The following ADCY9 variants were observed in gnomAD, a reference collection of about 807,000 sequenced individuals.
ADCY9 encodes the protein adenylate cyclase 9, also known as adenylate cyclase type 9.
A neutral mutation model predicts 101.5 loss-of-function variants in ADCY9; 50 were observed. The observed-to-expected ratio is 0.49, with a 90% confidence interval of 0.39 to 0.62. The LOEUF (loss-of-function observed/expected upper bound fraction) is 0.62. Ranked by LOEUF, ADCY9 falls within the 20% of genes least tolerant of loss-of-function variation. ADCY9 has a pLI of 0.00. For synonymous variants in ADCY9, 905 were observed against 769.3 expected (o/e 1.18, Z -2.92); for missense variants, 1,662 against 1,800.4 (o/e 0.92, Z 1.39).
chr16:4,115,670 G>C lies in ADCY9; in HGVS notation c.-44+20C>G, dbSNP rs537737275. On this transcript the variant is annotated intron_variant, in intron 1 of 10. Transcript: ENST00000294016. The surrounding 1 kb of genome is among the most constrained non-coding windows in gnomAD (Gnocchi z 6.2). Reference sequence around the variant, plus strand: ...CACCGCCCCCACCTTCGAGGCGCACGAGAACCGCTCGGGACGGACCTAGAA... The same window carrying C: ...CACCGCCCCCACCTTCGAGGCGCACCAGAACCGCTCGGGACGGACCTAGAA... 5.3e-6 allele frequency: 3 copies of C among 567,704 alleles called. No homozygotes were observed. The African/African-American group carries it at 5.6e-5, about 11-fold the overall frequency. The allele number at this position is 567,704 out of a possible 1,614,324, so 35.2% of individuals were successfully genotyped here.
intron 2 of ADCY9, among the ~76,000 whole-genome samples, chr16:4,078,000 G>GAAA (rs34323189): frequency 1.4e-5 from 2 of 140,308 alleles, no homozygotes; most frequent in Non-Finnish European, 1.5e-5. Context: ...CTCTGCTTCA[G>GAAA]AAAAAAAAAA....
rs2601790 is a variant in ADCY9 at position 3,992,048 on chromosome 16, A to G, written c.2207+98T>C. 1,080,000 of 1,229,544 alleles carry G rather than the reference A, an allele frequency of 0.88. 477,510 individuals are homozygous for G. The highest frequency in any genetic ancestry group is 0.9 in the Non-Finnish European group (789,516 of 873,198). The allele number at this position is 1,229,544 out of a possible 1,614,324, so 76.2% of individuals were successfully genotyped here. A position where few individuals can be genotyped will look rare whatever the true frequency, so the allele number is the denominator to read the frequency against. ...ATCGCGCCACTGCACTGCAGCCTGG[A>G]TGACAGAGCGAGACTCAGTCTTAAA... On this transcript the variant is annotated intron_variant, in intron 5 of 10. Coordinates refer to ENST00000294016, the MANE Select transcript of ADCY9 (RefSeq NM_001116.4). This position sits in a 1 kb window ranked among gnomAD's most constrained non-coding sequence, Gnocchi z 4.2.
At chr16:4,084,650 T>C (rs2056926078) in intron 2 of ADCY9, among the ~76,000 whole-genome samples, 1 of 152,012 alleles carries the variant, frequency 6.6e-6, no homozygotes, top group South Asian at 2.1e-4. Context: ...CACTTGAGCC[T>C]GGGTGGTCGA....
chr16:4,099,829 A>G (rs2141198407), intron 2 of ADCY9, among the ~76,000 whole-genome samples: 1 of 152,320 alleles, frequency 6.6e-6, no homozygotes, highest in South Asian at 2.1e-4. Context: ...AGGCAGGAGG[A>G]TGGCTTGAGC....
chr16:3,979,197 G>A lies in ADCY9; in HGVS notation c.2598C>T (p.His866=), dbSNP rs2141685127. 1.2e-6 allele frequency: 2 copies of A among 1,614,098 alleles called. No homozygotes were observed. Among genetic ancestry groups the A allele is most frequent in the Non-Finnish European group, 1.7e-6 (2 of 1,180,030 alleles). Reference sequence around the variant, plus strand: ...GCGACACCAGGATGGCCCCGATGCAGTGACGTGGTAGCCAGCCGGCGATCC... The same window carrying A: ...GCGACACCAGGATGGCCCCGATGCAATGACGTGGTAGCCAGCCGGCGATCC... ...LEWIAGWLPR[H]CIGAILVSLP... Residue 866 remains histidine, a synonymous_variant, in exon 8 of 11, where the codon CAC becomes CAT. Coordinates refer to ENST00000294016, the MANE Select transcript of ADCY9 (RefSeq NM_001116.4).
intron 6 of ADCY9, among the ~76,000 whole-genome samples, chr16:3,988,479 ATTCCCTTCCAGGGCAGGTGTGGGGGG>A (rs2056214792): frequency 6.3e-5 from 1 of 15,908 alleles, no homozygotes; most frequent in Non-Finnish European, 1.3e-4. Context: ...GGTGTGGGGG[ATTCCCTTCCAGGGCAGGTGTGGGGGG>A]TTCCCTTCCA....
At chr16:4,088,677 T>G (rs2056954766) in intron 2 of ADCY9, among the ~76,000 whole-genome samples, 1 of 151,992 alleles carries the variant, frequency 6.6e-6, no homozygotes, top group Admixed American at 6.6e-5. Context: ...AACAGCACCG[T>G]CCACCTCATC....
chr16:4,114,352 G>A lies in ADCY9; in HGVS notation c.1091C>T (p.Ser364Leu), dbSNP rs145790925. 1.2e-6 allele frequency: 2 copies of A among 1,613,992 alleles called. No individual in the cohort carries two copies. Among genetic ancestry groups the A allele is most frequent in the East Asian group, 2.2e-5 (1 of 44,886 alleles). Residue 364 changes from serine to leucine, a missense_variant, in exon 2 of 11, where the codon TCG becomes TTG. Coordinates refer to ENST00000294016, the MANE Select transcript of ADCY9 (RefSeq NM_001116.4). The surrounding 1 kb of genome is among the most constrained non-coding windows in gnomAD (Gnocchi z 4.3). The stretch of plus-strand genomic sequence containing the variant: ...CTTTTTCTTCCTGTTCTTGGGGCTC[G>A]AGGTGGCATGCCTCTTGACAGAATT... The part of the protein sequence containing the change: ...SENSVKRHAT[S>L]SPKNRKKKSS...
intron 2 of ADCY9, among the ~76,000 whole-genome samples, chr16:4,047,265 CT>C (rs1567453000): frequency 6.6e-6 from 1 of 151,726 alleles, no homozygotes; most frequent in African/African-American, 2.4e-5. Flanking sequence ...CACCCTTCTC[CT>C]TTTTTTGAGA....
At chr16:4,018,695 C>G (rs1225093960) in intron 2 of ADCY9, among the ~76,000 whole-genome samples, 1 of 152,150 alleles carries the variant, frequency 6.6e-6, no homozygotes, top group African/African-American at 2.4e-5. Context: ...AACTTGTTTT[C>G]TAGTTTTCTC....
At chr16:4,107,114 C>A (rs895282812) in intron 2 of ADCY9, among the ~76,000 whole-genome samples, 1 of 152,224 alleles carries the variant, frequency 6.6e-6, no homozygotes, top group Non-Finnish European at 1.5e-5. Context: ...CAAATGGTCA[C>A]TGGGGGCAGC....
intron 8 of ADCY9, 91 bp from the exon 9 acceptor site, chr16:3,977,721 G>A (rs1337640209): frequency 6.1e-6 from 9 of 1,466,280 alleles, no homozygotes; most frequent in Non-Finnish European, 7.3e-6. Context: ...ACTAATCCAT[G>A]TTTCCTTTTT....
chr16:4,100,480 C>A (rs2057035420), intron 2 of ADCY9, among the ~76,000 whole-genome samples: 1 of 152,066 alleles, frequency 6.6e-6, no homozygotes, highest in African/African-American at 2.4e-5. Context: ...GAGGCGTATG[C>A]CACCACGCCT....
At position 4,110,994 on chromosome 16, in the gene ADCY9, C is replaced by G. The variant is rs149206003; in HGVS notation, c.1693+2756G>C. On this transcript the variant is annotated intron_variant, in intron 2 of 10. Coordinates refer to ENST00000294016, the MANE Select transcript of ADCY9 (RefSeq NM_001116.4). ...CGGATCCTGCTCCACGATCACGGAT[C>G]CTGCTCCACATCCACAGTGCCAGGT... Among the ~76,000 whole-genome samples the G allele has an allele frequency of 7.0e-4, 106 of 152,338 alleles. 1 individual carries two copies. The highest frequency in any genetic ancestry group is 3.4e-3 in the Middle Eastern group (1 of 294).
chr16:3,955,025 C>A (rs921982040), intron 5 of ADCY9, among the ~76,000 whole-genome samples: 42 of 152,020 alleles, frequency 2.8e-4, no homozygotes, highest in African/African-American at 1.0e-3. Context: ...GACGGGGGAA[C>A]TTGGAAATGA....
intron 2 of ADCY9, among the ~76,000 whole-genome samples, chr16:4,071,541 T>C (rs184824797): frequency 6.6e-6 from 1 of 152,138 alleles, no homozygotes; most frequent in Non-Finnish European, 1.5e-5. Flanking sequence ...TAAAATTTGT[T>C]TTGCAAATAA....
chr16:3,997,803 G>T (rs141569626), intron 3 of ADCY9, among the ~76,000 whole-genome samples: 2,306 of 152,260 alleles, frequency 0.015, 48 homozygotes, highest in Admixed American at 0.057. Flanking sequence ...CTTTGAAAAT[G>T]CGGATTTTGG....
At chr16:4,026,855 C>A (rs2056519133) in intron 2 of ADCY9, among the ~76,000 whole-genome samples, 2 of 152,162 alleles carry the variant, frequency 1.3e-5, no homozygotes, top group South Asian at 4.1e-4. Context: ...GAACTTAAGG[C>A]CGATTCACCC....
chr16:4,041,130 C>T (rs9936555), intron 2 of ADCY9, among the ~76,000 whole-genome samples: 3,974 of 152,254 alleles, frequency 0.026, 165 homozygotes, highest in African/African-American at 0.089. Context: ...CAAGAAATGG[C>T]ATATTCTAGA....
Sources: allele counts gnomAD v4.1 joint callset (sites outside exome capture counted in the v4.1 genomes callset), GRCh38; gene constraint gnomAD v4.1.1; non-coding constraint Gnocchi (gnomAD v3.1); transcripts MANE v1.5; gene names NCBI Gene and HGNC (gene_info 2026-07-23, HGNC 2026-07-21).